OR1L8: variants seen among roughly 807,000 people sequenced by gnomAD.
The protein encoded by OR1L8 is olfactory receptor 1L8.
For synonymous variants in OR1L8, 148 were observed against 147.0 expected, an observed-to-expected ratio of 1.01 and a Z score of -0.05; for missense variants, 330 against 377.4, an observed-to-expected ratio of 0.87 and a Z score of 1.04.
rs528357751 is a variant in OR1L8, at chr9:122,568,595, T to G, written c.-118A>C. 37 of 635,802 alleles carry G rather than the reference T, an allele frequency of 5.8e-5. No individual in the cohort carries two copies. The African/African-American group carries it at 6.6e-4, about 11-fold the overall frequency. 39.4% of individuals were successfully genotyped at this position (635,802 alleles called of 1,614,324 possible). A position where few individuals can be genotyped will look rare whatever the true frequency, so the allele number is the denominator to read the frequency against. ...CTTCTGTTTGGTCACAATTAGCTACTGTGCTAATTGTGGGATGGCTTGTTC... is the reference window on the plus strand; with the variant it reads ...CTTCTGTTTGGTCACAATTAGCTACGGTGCTAATTGTGGGATGGCTTGTTC... On this transcript the variant is annotated 5_prime_UTR_variant, in exon 5 of 5. Transcript: ENST00000641027.
intron 3 of OR1L8, among the ~76,000 whole-genome samples, chr9:122,575,134 T>C (rs1248789286): frequency 6.6e-6 from 1 of 152,116 alleles, no homozygotes; most frequent in Non-Finnish European, 1.5e-5. Flanking sequence ...TGTATGTTTA[T>C]GAGAGATACA....
At chr9:122,550,742 A>G in the OR1L8 span, among the ~76,000 whole-genome samples, 1 of 152,122 alleles carries the variant, frequency 6.6e-6, no homozygotes, top group Non-Finnish European at 1.5e-5. Flanking sequence ...CCTAGAAGGA[A>G]TATACCTAAA....
chr9:122,575,641 A>G (rs747546663), intron 3 of OR1L8, among the ~76,000 whole-genome samples: 3 of 152,082 alleles, frequency 2.0e-5, no homozygotes, highest in Non-Finnish European at 4.4e-5. Context: ...ACTAAATTTT[A>G]TTGTATATAT....
At chr9:122,579,465 G>T (rs756862880) in intron 1 of OR1L8, among the ~76,000 whole-genome samples, 29 of 152,070 alleles carry the variant, frequency 1.9e-4, no homozygotes, top group Non-Finnish European at 8.8e-5. Flanking sequence ...TCATTTCCTT[G>T]TACTGGAGCA....
intron 4 of OR1L8, among the ~76,000 whole-genome samples, chr9:122,569,464 T>C (rs1016523560): frequency 3.6e-4 from 28 of 77,226 alleles, no homozygotes; most frequent in Non-Finnish European, 6.3e-4. Context: ...TGAGAATTTT[T>C]GTATCAGCAA....
At chr9:122,552,526 C>T in the OR1L8 span, among the ~76,000 whole-genome samples, 45,445 of 151,450 alleles carry the variant, frequency 0.3, 7,290 homozygotes, top group East Asian at 0.53. Flanking sequence ...GGCTCCCTGT[C>T]CTATTTGTAT....
intron 4 of OR1L8, among the ~76,000 whole-genome samples, chr9:122,571,516 C>G (rs113351484): frequency 1.6e-3 from 234 of 148,480 alleles, no homozygotes; most frequent in African/African-American, 5.3e-3. Flanking sequence ...TGCCACTGCA[C>G]TCCAGCCTGG....
intron 1 of OR1L8, among the ~76,000 whole-genome samples, chr9:122,581,993 C>G (rs1446280469): frequency 6.6e-6 from 1 of 152,120 alleles, no homozygotes; most frequent in Non-Finnish European, 1.5e-5. Context: ...AAACAAGAGA[C>G]AAAGCACGGT....
the OR1L8 span, among the ~76,000 whole-genome samples, chr9:122,557,058 A>G: frequency 6.6e-6 from 1 of 152,138 alleles, no homozygotes; most frequent in Non-Finnish European, 1.5e-5. Flanking sequence ...TATGTAAGAG[A>G]GCAACTGGCT....
downstream of OR1L8, among the ~76,000 whole-genome samples, chr9:122,563,968 ATGTC>A (rs2118701093): frequency 6.6e-6 from 1 of 152,194 alleles, no homozygotes; most frequent in African/African-American, 2.4e-5. Flanking sequence ...CATTATCCAT[ATGTC>A]TGTATTTATG....
the OR1L8 span, chr9:122,553,140 TA>T: frequency 6.5e-7 from 1 of 1,531,212 alleles, no homozygotes; most frequent in Non-Finnish European, 8.9e-7. Flanking sequence ...TGCATATCTG[TA>T]AATTGATCTA....
chr9:122,549,272 C>G, the OR1L8 span, among the ~76,000 whole-genome samples: 2 of 152,116 alleles, frequency 1.3e-5, no homozygotes, highest in African/African-American at 4.8e-5. Context: ...TATGCTGGCT[C>G]CCCTTCACCT....
intron 4 of OR1L8, 95 bp from the exon 5 acceptor site, chr9:122,568,784 T>G: frequency 1.2e-5 from 3 of 250,070 alleles, no homozygotes; most frequent in South Asian, 1.1e-4. Flanking sequence ...AAAAGCACTA[T>G]TCACCTGCCG....
chr9:122,554,339 T>C, the OR1L8 span: 21 of 571,576 alleles, frequency 3.7e-5, no homozygotes, highest in African/African-American at 3.8e-4. Flanking sequence ...TGGAATGAGA[T>C]GTTCTGTCTC....
chr9:122,570,426 G>A (rs1829524066), intron 4 of OR1L8, among the ~76,000 whole-genome samples: 1 of 152,196 alleles, frequency 6.6e-6, no homozygotes, highest in African/African-American at 2.4e-5. Context: ...ATTTTTAAAT[G>A]TTGGCTATTT....
intron 1 of OR1L8, among the ~76,000 whole-genome samples, chr9:122,581,309 T>A (rs1829735980): frequency 6.6e-6 from 1 of 151,978 alleles, no homozygotes; most frequent in South Asian, 2.1e-4. Context: ...GCGGTTGTAG[T>A]GAGCCGAGAT....
intron 1 of OR1L8, among the ~76,000 whole-genome samples, chr9:122,581,197 C>T (rs1318337705): frequency 6.6e-6 from 1 of 151,510 alleles, no homozygotes; most frequent in Non-Finnish European, 1.5e-5. Context: ...GAAACCCCGT[C>T]TCTACTAAAA....
chr9:122,577,257 A>G (rs1489007289), intron 2 of OR1L8, among the ~76,000 whole-genome samples: 1 of 152,198 alleles, frequency 6.6e-6, no homozygotes, highest in East Asian at 1.9e-4. Flanking sequence ...ATAAGCCCAT[A>G]TAGACATAGA....
chr9:122,581,877 A>G (rs1333898270), intron 1 of OR1L8, among the ~76,000 whole-genome samples: 2 of 152,256 alleles, frequency 1.3e-5, no homozygotes, highest in African/African-American at 4.8e-5. Context: ...ACGACACTGC[A>G]CTCCAGCCTG....
Sources: gnomAD v4.1 joint callset for allele counts (sites outside exome capture counted in the v4.1 genomes callset) on GRCh38, gnomAD v4.1.1 for gene constraint, MANE v1.5 for transcripts, NCBI Gene and HGNC (gene_info 2026-07-23, HGNC 2026-07-21) for gene names.